The following PIP5K1C variants were observed in gnomAD, a reference collection of about 807,000 sequenced individuals.
The protein encoded by PIP5K1C is phosphatidylinositol 4-phosphate 5-kinase type-1 gamma.
PIP5K1C carries 45 observed loss-of-function variants against 80.1 expected under a neutral mutation model. The ratio of observed to expected loss-of-function variants is 0.56; its 90% CI spans 0.44 to 0.72. PIP5K1C has a LOEUF of 0.72. Ranked by LOEUF, PIP5K1C falls within the 30% of genes least tolerant of loss-of-function variation. The pLI, the probability that PIP5K1C is intolerant of heterozygous loss-of-function variation, is 0.00. For synonymous variants in PIP5K1C, 498 were observed against 420.1 expected (o/e 1.19, Z -2.27); for missense variants, 753 against 954.6 (o/e 0.79, Z 2.78).
chr19:3,631,907 T>C lies in PIP5K1C; in HGVS notation c.*1260A>G, dbSNP rs2033482710. The C allele has an allele frequency of 1.3e-5, 2 of 152,234 alleles. No individual in the cohort carries two copies. Among genetic ancestry groups the C allele is most frequent in the African/African-American group, 4.8e-5 (2 of 41,458 alleles). The allele number at this position is 152,234 out of a possible 1,614,324, so 9.4% of individuals were successfully genotyped here. The stretch of plus-strand genomic sequence containing the variant: ...CAGCTCCTCACATCCTGGGCACATC[T>C]TGGAAGTGGGGGATTCCCACAGCCA... On this transcript the variant is annotated 3_prime_UTR_variant, in exon 18 of 18. Transcript: ENST00000335312.
chr19:3,668,270 C>T (rs563846110), intron 1 of PIP5K1C: 97 of 152,274 alleles, frequency 6.4e-4, no homozygotes, highest in African/African-American at 2.3e-3. Flanking sequence ...GCAGCAGGGC[C>T]CTGGGGTCCT....
chr19:3,697,433 G>A lies in PIP5K1C; in HGVS notation c.94+2864C>T, dbSNP rs796260737. On this transcript the variant is annotated intron_variant, in intron 1 of 17. Coordinates refer to ENST00000335312, the MANE Select transcript of PIP5K1C (RefSeq NM_012398.3). The stretch of plus-strand genomic sequence containing the variant: ...GTACTCAGCCAGACGGAGGAGGACC[G>A]AGCTGTACGGAGGAGGACCGAGCTG... 5.7e-4 allele frequency among the ~76,000 whole-genome samples: 85 copies of A among 150,260 alleles called. 1 individual carries two copies. The highest frequency in any genetic ancestry group is 2.0e-3 in the African/African-American group (82 of 40,726).
chr19:3,656,760 G>T (rs1334608950), intron 5 of PIP5K1C, among the ~76,000 whole-genome samples: 1 of 152,218 alleles, frequency 6.6e-6, no homozygotes, highest in African/African-American at 2.4e-5. Context: ...TGACTCTGCA[G>T]CCCGAGGGCT....
intron 16 of PIP5K1C, chr19:3,636,989 C>T (rs2033713909): frequency 1.9e-6 from 2 of 1,030,750 alleles, no homozygotes; most frequent in African/African-American, 3.5e-5. Flanking sequence ...ACCGTGTGGT[C>T]TCCCAGGCTC....
Position 3,688,800 on chromosome 19 carries a change from G to C in PIP5K1C, c.94+11497C>G, listed in dbSNP as rs780340148. Among the ~76,000 whole-genome samples, 6 of 152,084 alleles carry C rather than the reference G, an allele frequency of 3.9e-5. No individual in the cohort carries two copies. Among genetic ancestry groups the C allele is most frequent in the Non-Finnish European group, 5.9e-5 (4 of 68,004 alleles). ...AGACACACCGAGCTGGTGGGCCGGG[G>C]GAGGGGGACCCACACCCACGTCGCC... On this transcript the variant is annotated intron_variant, in intron 1 of 17. Coordinates refer to ENST00000335312, the MANE Select transcript of PIP5K1C (RefSeq NM_012398.3). This position sits in a 1 kb window ranked among gnomAD's most constrained non-coding sequence, Gnocchi z 5.3.
intron 1 of PIP5K1C, among the ~76,000 whole-genome samples, chr19:3,699,330 C>T (rs959756888): frequency 1.6e-3 from 37 of 23,818 alleles, no homozygotes; most frequent in African/African-American, 4.8e-3. Flanking sequence ...TCTTTCAAGG[C>T]GGGGGGTGGG....
intron 12 of PIP5K1C, 41 bp from the exon 13 acceptor site, chr19:3,643,422 G>A: frequency 6.2e-7 from 1 of 1,610,356 alleles, no homozygotes; most frequent in Non-Finnish European, 8.5e-7. Flanking sequence ...GAGCCTCCGA[G>A]CCCCCAAACA....
At chr19:3,676,307 C>T (rs2035357432) in intron 1 of PIP5K1C, among the ~76,000 whole-genome samples, 1 of 152,200 alleles carries the variant, frequency 6.6e-6, no homozygotes, top group East Asian at 1.9e-4. Flanking sequence ...CCCAGCGAGT[C>T]GCCGTAAACT....
At chr19:3,661,667 G>A (rs2034836340) in intron 4 of PIP5K1C, among the ~76,000 whole-genome samples, 1 of 152,264 alleles carries the variant, frequency 6.6e-6, no homozygotes. Context: ...TCTTTTTCCT[G>A]TTCTTAAACT....
At chr19:3,678,528 AT>A (rs1312743024) in intron 1 of PIP5K1C, among the ~76,000 whole-genome samples, 1 of 75,674 alleles carries the variant, frequency 1.3e-5, no homozygotes, top group Non-Finnish European at 2.5e-5. Context: ...GGAGGGAGGG[AT>A]GGATGGAGGG....
rs566346639 is a variant in PIP5K1C, at chr19:3,653,232, C to T, written c.921+58G>A. 1.3e-5 allele frequency: 20 copies of T among 1,538,548 alleles called. No individual in the cohort carries two copies. The African/African-American group carries it at 1.8e-4, about 14-fold the overall frequency. On this transcript the variant is annotated intron_variant, in intron 7 of 17. Coordinates refer to ENST00000335312, the MANE Select transcript of PIP5K1C (RefSeq NM_012398.3). ...CCTGGCCCTGCCTGCCCAGGCCGAG[C>T]CCTCACCACGCAGTCCCACCTGCCA...
At chr19:3,664,941 A>C in intron 2 of PIP5K1C, 27 bp from the exon 3 acceptor site, 1 of 1,565,520 alleles carries the variant, frequency 6.4e-7, no homozygotes, top group Non-Finnish European at 8.8e-7. Context: ...GGAAGCGTTA[A>C]CTCCCTAAGG....
In PIP5K1C at chr19:3,631,910, G is replaced by A. The variant is rs1255948352; in HGVS notation, c.*1257C>T. Reference sequence around the variant, plus strand: ...CTCCTCACATCCTGGGCACATCTTGGAAGTGGGGGATTCCCACAGCCATCA... The same window carrying A: ...CTCCTCACATCCTGGGCACATCTTGAAAGTGGGGGATTCCCACAGCCATCA... On this transcript the variant is annotated 3_prime_UTR_variant, in exon 18 of 18. Coordinates refer to ENST00000335312, the MANE Select transcript of PIP5K1C (RefSeq NM_012398.3). 6.6e-6 allele frequency: 1 copy of A among 152,268 alleles called. No homozygotes were observed. The highest frequency in any genetic ancestry group is 1.5e-5 in the Non-Finnish European group (1 of 68,068). 9.4% of individuals were successfully genotyped at this position (152,268 alleles called of 1,614,324 possible).
chr19:3,666,176 G>C (rs1444510372), intron 2 of PIP5K1C, among the ~76,000 whole-genome samples: 1 of 152,240 alleles, frequency 6.6e-6, no homozygotes, highest in Non-Finnish European at 1.5e-5. Context: ...CTCTGGCTAC[G>C]GACGCAGGGC....
intron 8 of PIP5K1C, among the ~76,000 whole-genome samples, chr19:3,650,735 C>G (rs186962586): frequency 6.6e-6 from 1 of 152,206 alleles, no homozygotes; most frequent in Non-Finnish European, 1.5e-5. Context: ...TCTCCACCAC[C>G]GTTCCTATCT....
intron 4 of PIP5K1C, among the ~76,000 whole-genome samples, chr19:3,661,670 C>T (rs1307361294): frequency 6.6e-6 from 1 of 152,252 alleles, no homozygotes; most frequent in African/African-American, 2.4e-5. Flanking sequence ...TTTTCCTGTT[C>T]TTAAACTGCC....
intron 16 of PIP5K1C, chr19:3,636,956 T>G: frequency 9.9e-7 from 1 of 1,014,928 alleles, no homozygotes; most frequent in Non-Finnish European, 1.2e-6. Context: ...CCTTGAGAGC[T>G]TGGGGATCTG....
chr19:3,648,675 C>G lies in PIP5K1C; in HGVS notation c.1161G>C (p.Gly387=), dbSNP rs1326012521. 1.2e-6 allele frequency: 2 copies of G among 1,613,052 alleles called. No individual in the cohort carries two copies. Among genetic ancestry groups the G allele is most frequent in the Non-Finnish European group, 1.7e-6 (2 of 1,179,904 alleles). ...TGCCAATGTGCAGCAGCAGCCGCTCCCCGCGGCCGTTCACAGCGGGGATCC... is the reference window on the plus strand; with the variant it reads ...TGCCAATGTGCAGCAGCAGCCGCTCGCCGCGGCCGTTCACAGCGGGGATCC... ...MGGIPAVNGR[G]ERLLLHIGII... Residue 387 remains glycine (G), a synonymous_variant, in exon 9 of 18, where the codon GGG becomes GGC. Transcript: ENST00000335312. This position sits in a 1 kb window ranked among gnomAD's most constrained non-coding sequence, Gnocchi z 4.3.
Position 3,644,219 on chromosome 19 carries a change from C to CG in PIP5K1C, c.1377dup (p.Gly460ArgfsTer23). On this transcript the variant is annotated frameshift_variant, in exon 12 of 18. Transcript: ENST00000335312. LOFTEE classifies it high-confidence loss of function. ...GGTTTCACAGCTAGCAAGGCTCCGC[C>CG]GCGCCCCTTCTTGGAGGGCGAGGAC... 6.2e-7 allele frequency: 1 copy of CG among 1,612,464 alleles called. No homozygotes were observed. The highest frequency in any genetic ancestry group is 8.5e-7 in the Non-Finnish European group (1 of 1,179,888).
Sources: allele counts gnomAD v4.1 joint callset (sites outside exome capture counted in the v4.1 genomes callset), GRCh38; gene constraint gnomAD v4.1.1; non-coding constraint Gnocchi (gnomAD v3.1); transcripts MANE v1.5; gene names NCBI Gene and HGNC (gene_info 2026-07-23, HGNC 2026-07-21).